PMM1: variants seen among roughly 807,000 people sequenced by gnomAD.
PMM1 encodes the protein brain glucose-1,6-bisphosphatase.
PMM1 carries 25 observed loss-of-function variants against 34.0 expected under a neutral mutation model. That is an observed-to-expected ratio of 0.73 (90% confidence interval 0.54 to 1.03). The LOEUF (loss-of-function observed/expected upper bound fraction) is 1.03. PMM1 is among the 50% of genes least tolerant of loss of function. PMM1 has a pLI of 0.00. For synonymous variants in PMM1, 134 were observed against 143.9 expected, an observed-to-expected ratio of 0.93 and a Z score of 0.49; for missense variants, 321 against 350.1, an observed-to-expected ratio of 0.92 and a Z score of 0.66.
intron 1 of PMM1, 21 bp from the exon 2 acceptor site, chr22:41,586,214 C>A (rs1416498840): frequency 6.2e-7 from 1 of 1,603,550 alleles, no homozygotes; most frequent in Non-Finnish European, 8.5e-7. Flanking sequence ...AGAGGGGAAG[C>A]ATAGCATTCT....
At chr22:41,587,170 TGAGGCAGGAGAATGGCGTGAACTTGG>T (rs2067318413) in intron 1 of PMM1, among the ~76,000 whole-genome samples, 1 of 147,602 alleles carries the variant, frequency 6.8e-6, no homozygotes, top group African/African-American at 2.5e-5. Flanking sequence ...TCGGGAGGGC[TGAGGCAGGAGAATGGCGTGAACTTGG>T]GAGGCAGAGC....
rs762507816 is a variant in PMM1, at chr22:41,586,148, T to G, written c.133A>C (p.Arg45=). ...CCGCCCACCACACCGATCTGCACTC[T>G]ACTTCGTAGCTTCTGCAGGAAGGCG... is the stretch of plus-strand genomic sequence containing the variant. The part of the protein sequence containing the change: ...VAAFLQKLRS[R]VQIGVVGGSD... Residue 45 remains arginine, a synonymous_variant, in exon 2 of 8, where the codon AGA becomes CGA. Transcript: ENST00000216259. 11 of 1,612,604 alleles carry G rather than the reference T, an allele frequency of 6.8e-6. No homozygotes were observed. In the African/African-American group the frequency reaches 1.5e-4, roughly 22 times the overall value.
intron 1 of PMM1, chr22:41,588,724 C>A (rs995841592): frequency 7.1e-6 from 7 of 985,334 alleles, no homozygotes; most frequent in Non-Finnish European, 4.8e-6. Flanking sequence ...AGGGCCCAAG[C>A]CAGGGCAACT....
chr22:41,577,212 C>A lies in PMM1; in HGVS notation c.*106G>T, dbSNP rs1486096817. ...CCCATCTGGGTGGGCTTGCAGCAGG[C>A]GTCCTGGGCCAGAGGAGGGGCCCTG... On this transcript the variant is annotated 3_prime_UTR_variant, in exon 8 of 8. Transcript: ENST00000216259. The A allele has an allele frequency of 6.7e-7, 1 of 1,484,880 alleles. No homozygotes were observed. The highest frequency in any genetic ancestry group is 1.4e-5 in the African/African-American group (1 of 72,534). 92.0% of individuals were successfully genotyped at this position (1,484,880 alleles called of 1,614,324 possible). A position where few individuals can be genotyped will look rare whatever the true frequency, so the allele number is the denominator to read the frequency against.
Position 41,588,199 on chromosome 22 carries a change from C to G in PMM1, c.87+1520G>C, listed in dbSNP as rs146849252. 7.1e-4 allele frequency among the ~76,000 whole-genome samples: 108 copies of G among 151,996 alleles called. 1 individual carries two copies. The highest frequency in any genetic ancestry group is 2.6e-3 in the African/African-American group (108 of 41,466). ...CCCAGTAGCTGGGACTACAGGCACA[C>G]GACACCACGCCCATCTACTTTTTGT... On this transcript the variant is annotated intron_variant, in intron 1 of 7. Transcript: ENST00000216259.
At chr22:41,586,391 G>T in intron 1 of PMM1, 198 bp from the exon 2 acceptor site, 1 of 899,826 alleles carries the variant, frequency 1.1e-6, no homozygotes, top group Non-Finnish European at 1.6e-6. Context: ...GCGAGGCCAA[G>T]GCAGAAAGAT....
intron 2 of PMM1, chr22:41,584,828 T>C: frequency 2.0e-6 from 1 of 494,568 alleles, no homozygotes; most frequent in Non-Finnish European, 3.6e-6. Context: ...CAGGCATCCA[T>C]GCAGGTCCTT....
Position 41,589,737 on chromosome 22 carries a change from G to A in PMM1, c.69C>T (p.Thr23=), listed in dbSNP as rs752060841. The change falls in exon 1 of 8, where the codon ACC becomes ACT. Residue 23 remains threonine (T), a synonymous_variant. Transcript: ENST00000216259. Reference sequence around the variant, plus strand: ...GTCCTACCTGGCGAGCCGGCGTGAGGGTCCCGTCCACGTCAAACAGGCAGA... The same window carrying A: ...GTCCTACCTGGCGAGCCGGCGTGAGAGTCCCGTCCACGTCAAACAGGCAGA... ...RVLCLFDVDG[T]LTPARQKIDP... 6.2e-7 allele frequency: 1 copy of A among 1,611,746 alleles called. No individual in the cohort carries two copies. Among genetic ancestry groups the A allele is most frequent in the Non-Finnish European group, 8.5e-7 (1 of 1,179,510 alleles).
chr22:41,578,989 C>T, intron 5 of PMM1, 108 bp from the exon 6 acceptor site: 1 of 903,658 alleles, frequency 1.1e-6, no homozygotes. Context: ...GTGGGTAGGA[C>T]CCCCAACTGT....
chr22:41,586,289 C>A, intron 1 of PMM1, 96 bp from the exon 2 acceptor site: 1 of 1,574,282 alleles, frequency 6.4e-7, no homozygotes, highest in Non-Finnish European at 8.5e-7. Context: ...AGGAAGCCCA[C>A]ATTCTACCTG....
intron 5 of PMM1, among the ~76,000 whole-genome samples, chr22:41,583,562 G>A (rs1324143886): frequency 6.6e-6 from 1 of 152,140 alleles, no homozygotes; most frequent in African/African-American, 2.4e-5. Context: ...GGGTAGGGAG[G>A]GACAGAGAGG....
At chr22:41,579,780 C>T (rs2067221492) in intron 5 of PMM1, 1 of 152,432 alleles carries the variant, frequency 6.6e-6, no homozygotes, top group African/African-American at 2.4e-5. Context: ...TAAAGCCAGA[C>T]ACCCCCTAGC....
At chr22:41,577,623 C>T (rs2067188890) in intron 7 of PMM1, 183 bp from the exon 8 acceptor site, 1 of 813,932 alleles carries the variant, frequency 1.2e-6, no homozygotes, top group Non-Finnish European at 2.0e-6. Context: ...TCTTGGGGCC[C>T]CAGCTTTCCA....
At chr22:41,588,320 A>G (rs982853266) in intron 1 of PMM1, among the ~76,000 whole-genome samples, 2 of 152,226 alleles carry the variant, frequency 1.3e-5, no homozygotes, top group Non-Finnish European at 2.9e-5. Context: ...CTCGGGTTCA[A>G]GTGATTCTCC....
intron 5 of PMM1, among the ~76,000 whole-genome samples, chr22:41,582,169 A>G (rs1182090315): frequency 6.6e-6 from 1 of 151,554 alleles, no homozygotes; most frequent in East Asian, 1.9e-4. Context: ...AAAAAAGGGT[A>G]TTTCTTTGCG....
chr22:41,579,724 C>G (rs1385681934), intron 5 of PMM1: 1 of 152,600 alleles, frequency 6.6e-6, no homozygotes, highest in Admixed American at 6.5e-5. Flanking sequence ...AGGCAGTGGT[C>G]AGCAGCATGG....
intron 4 of PMM1, 55 bp downstream of exon 4, chr22:41,584,226 A>T: frequency 6.6e-7 from 1 of 1,517,112 alleles, no homozygotes; most frequent in South Asian, 1.1e-5. Flanking sequence ...TGAGGGACCC[A>T]CACTTCTCCT....
chr22:41,589,128 A>G (rs1427820035), intron 1 of PMM1: 4 of 1,303,956 alleles, frequency 3.1e-6, no homozygotes, highest in Admixed American at 2.3e-5. Flanking sequence ...TAGAGCTCAT[A>G]AACGAATTTG....
chr22:41,583,820 G>A, intron 5 of PMM1, 139 bp downstream of exon 5: 1 of 657,456 alleles, frequency 1.5e-6, no homozygotes, highest in South Asian at 1.7e-5. Context: ...CTACAACAAT[G>A]GCACACAGTA....
Sources: allele counts gnomAD v4.1 joint callset (sites outside exome capture counted in the v4.1 genomes callset), GRCh38; gene constraint gnomAD v4.1.1; transcripts MANE v1.5; gene names NCBI Gene and HGNC (gene_info 2026-07-23, HGNC 2026-07-21).